The following ANKRD31 variants were observed in gnomAD, a reference collection of about 807,000 sequenced individuals.
The protein encoded by ANKRD31 is ankyrin repeat domain 31.
Under a neutral mutation model 186.0 loss-of-function variants are expected in ANKRD31, and 147 were observed. The observed-to-expected ratio is 0.79, with a 90% CI of 0.69 to 0.91. The LOEUF is 0.91. Ranked by LOEUF, ANKRD31 falls within the 40% of genes least tolerant of loss-of-function variation. The probability of loss-of-function intolerance (pLI) is 0.00; values close to 1 mark genes in which losing one functional copy is unlikely to be tolerated. For synonymous variants in ANKRD31, 673 were observed against 736.4 expected (o/e 0.91, Z 1.39); for missense variants, 1,986 against 2,148.8 (o/e 0.92, Z 1.50).
At chr5:75,161,607 G>C (rs56301849) in intron 11 of ANKRD31, among the ~76,000 whole-genome samples, 33,378 of 152,142 alleles carry the variant, frequency 0.22, 3,831 homozygotes, top group South Asian at 0.4. Context: ...TAATCCCCAA[G>C]ACAATAGGGA....
chr5:75,162,384 A>T (rs1218380032), intron 11 of ANKRD31, among the ~76,000 whole-genome samples: 5 of 152,128 alleles, frequency 3.3e-5, no homozygotes, highest in Non-Finnish European at 7.3e-5. Context: ...AATTTCTCTC[A>T]TTTGGAATGG....
At chr5:75,096,796 A>G (rs61345162) in intron 22 of ANKRD31, among the ~76,000 whole-genome samples, 6,843 of 150,558 alleles carry the variant, frequency 0.045, 406 homozygotes, top group African/African-American at 0.13. Context: ...TATATCTCCT[A>G]ATGCTATCCC....
At chr5:75,221,491 T>C (rs1280465259) in intron 3 of ANKRD31, among the ~76,000 whole-genome samples, 1 of 152,162 alleles carries the variant, frequency 6.6e-6, no homozygotes, top group Admixed American at 6.5e-5. Context: ...GAATCCCTAA[T>C]ATAAAATGGA....
intron 17 of ANKRD31, among the ~76,000 whole-genome samples, chr5:75,124,958 T>C (rs907537474): frequency 3.3e-5 from 5 of 152,184 alleles, no homozygotes; most frequent in African/African-American, 9.7e-5. Flanking sequence ...TTGTACCCTT[T>C]AAATTTATAC....
chr5:75,229,888 C>G (rs78272906), intron 2 of ANKRD31, among the ~76,000 whole-genome samples: 1 of 79,700 alleles, frequency 1.3e-5, no homozygotes, highest in Admixed American at 1.3e-4. Flanking sequence ...AAAAAAAAAA[C>G]AAAAAAAACA....
intron 3 of ANKRD31, among the ~76,000 whole-genome samples, chr5:75,221,285 C>G (rs985651849): frequency 6.6e-6 from 1 of 152,036 alleles, no homozygotes; most frequent in African/African-American, 2.4e-5. Context: ...TCTCAGAAAT[C>G]TACATGCAGT....
chr5:75,131,284 C>G (rs1468800728), intron 17 of ANKRD31, among the ~76,000 whole-genome samples: 1 of 152,174 alleles, frequency 6.6e-6, no homozygotes, highest in East Asian at 1.9e-4. Flanking sequence ...ATGCCGAGGC[C>G]GAGGAGGCAC....
chr5:75,166,087 A>T (rs547522872), intron 11 of ANKRD31, among the ~76,000 whole-genome samples: 1 of 152,292 alleles, frequency 6.6e-6, no homozygotes, highest in East Asian at 1.9e-4. Flanking sequence ...TTTCTTTAAA[A>T]TACTCCAATA....
intron 10 of ANKRD31, among the ~76,000 whole-genome samples, chr5:75,176,074 C>T (rs1406372884): frequency 1.3e-5 from 2 of 152,198 alleles, no homozygotes; most frequent in African/African-American, 4.8e-5. Flanking sequence ...AAACAGCACA[C>T]CAGGAGATTA....
In ANKRD31 at chr5:75,107,627, T is replaced by C; in HGVS notation, c.4244-10A>G. On this transcript the variant is annotated splice_polypyrimidine_tract_variant and intron_variant, in intron 20 of 25. Transcript: ENST00000506364. ...TTTTCAATGTATTGTTCTAGAAACA[T>C]GACAATAAAAAGTTAGCTAACTGAG... 4 of 1,479,458 alleles carry C rather than the reference T, an allele frequency of 2.7e-6. No homozygotes were observed. The highest frequency in any genetic ancestry group is 2.5e-5 in the East Asian group (1 of 40,324). 91.6% of individuals were successfully genotyped at this position (1,479,458 alleles called of 1,614,324 possible).
chr5:75,115,736 A>C (rs1347613521), intron 19 of ANKRD31, among the ~76,000 whole-genome samples: 2 of 151,410 alleles, frequency 1.3e-5, no homozygotes, highest in Admixed American at 1.3e-4. Context: ...TTAGAATGGC[A>C]ATCATTAAAA....
intron 20 of ANKRD31, among the ~76,000 whole-genome samples, chr5:75,110,666 A>AC (rs1384599915): frequency 6.6e-6 from 1 of 150,876 alleles, no homozygotes; most frequent in East Asian, 2.0e-4. Context: ...CTGAGATCAC[A>AC]CCACTGCACT....
intron 17 of ANKRD31, among the ~76,000 whole-genome samples, chr5:75,129,547 T>C (rs1232349845): frequency 6.6e-6 from 1 of 152,146 alleles, no homozygotes; most frequent in African/African-American, 2.4e-5. Flanking sequence ...AGTTACCAGG[T>C]TCTTAAAATA....
intron 23 of ANKRD31, among the ~76,000 whole-genome samples, chr5:75,085,920 TTG>T (rs1745450326): frequency 6.6e-6 from 1 of 152,164 alleles, no homozygotes. Context: ...CAGATACCCT[TTG>T]GACTCAATCC....
chr5:75,186,255 A>G (rs76281834), intron 10 of ANKRD31, among the ~76,000 whole-genome samples: 32,383 of 152,158 alleles, frequency 0.21, 3,631 homozygotes, highest in South Asian at 0.39. Context: ...AAATCTCCTT[A>G]AAAAATGAAT....
At chr5:75,205,086 G>A (rs1444745567) in intron 5 of ANKRD31, among the ~76,000 whole-genome samples, 3 of 152,068 alleles carry the variant, frequency 2.0e-5, no homozygotes, top group Admixed American at 6.6e-5. Flanking sequence ...GGCTGGTCTC[G>A]AACTCTTAGG....
chr5:75,176,899 T>G (rs1011704500), intron 10 of ANKRD31, among the ~76,000 whole-genome samples: 1 of 151,472 alleles, frequency 6.6e-6, no homozygotes, highest in Non-Finnish European at 1.5e-5. Flanking sequence ...CTTTGACGAG[T>G]TGAGAGAGGA....
chr5:75,208,837 C>A (rs532946930), intron 4 of ANKRD31, among the ~76,000 whole-genome samples: 1 of 152,334 alleles, frequency 6.6e-6, no homozygotes, highest in Non-Finnish European at 1.5e-5. Flanking sequence ...TATCCTCCAT[C>A]TCCTCTTCCC....
rs909283920 is a variant in ANKRD31, at chr5:75,169,048, T to G, written c.1638A>C (p.Ala546=). ...GGTATAATCCTTTGATATTTACATC[T>G]GCTCCACCTTTTAATAGTTCACTTG... ...RTASELLKGG[A]DVNIKGLYQI... The change falls in exon 11 of 26, where the codon GCA becomes GCC. Residue 546 remains alanine (A), a synonymous_variant. Transcript: ENST00000506364. 2.5e-5 allele frequency: 38 copies of G among 1,536,754 alleles called. No individual in the cohort carries two copies. The African/African-American group carries it at 4.7e-4, about 19-fold the overall frequency.
Sources: allele counts gnomAD v4.1 joint callset (sites outside exome capture counted in the v4.1 genomes callset), GRCh38; gene constraint gnomAD v4.1.1; transcripts MANE v1.5; gene names NCBI Gene and HGNC (gene_info 2026-07-23, HGNC 2026-07-21).